MCHR2: variants seen among roughly 807,000 people sequenced by gnomAD.
MCHR2 encodes the protein melanin concentrating hormone receptor 2.
MCHR2 carries 15 observed loss-of-function variants against 24.8 expected under a neutral mutation model. That is an observed-to-expected ratio of 0.60 (90% CI 0.40 to 0.93). The LOEUF is 0.93. Among genes scored for constraint, MCHR2 ranks in the 40% least tolerant of loss-of-function variants. The probability of loss-of-function intolerance (pLI) is 0.00; values close to 1 mark genes in which losing one functional copy is unlikely to be tolerated. For missense variants in MCHR2, 386 were observed against 408.7 expected (o/e 0.94, Z 0.48); for synonymous variants, 151 against 147.6 (o/e 1.02, Z -0.17).
chr6:99,925,958 A>G (rs1774346419), intron 5 of MCHR2, among the ~76,000 whole-genome samples: 1 of 151,890 alleles, frequency 6.6e-6, no homozygotes, highest in Non-Finnish European at 1.5e-5. Flanking sequence ...AGCATTAGGT[A>G]TATCTCCTAA....
intron 5 of MCHR2, among the ~76,000 whole-genome samples, chr6:99,928,707 C>G (rs1242477082): frequency 4.6e-5 from 7 of 151,810 alleles, no homozygotes; most frequent in Admixed American, 6.6e-5. Context: ...TTTTTATTGC[C>G]TCTATTTGAT....
intron 5 of MCHR2, among the ~76,000 whole-genome samples, chr6:99,931,417 G>A (rs570336662): frequency 6.6e-6 from 1 of 152,174 alleles, no homozygotes; most frequent in South Asian, 2.1e-4. Context: ...CTGTCTTTTT[G>A]TTTGTCTGTG....
intron 1 of MCHR2, among the ~76,000 whole-genome samples, chr6:99,989,440 C>G (rs1273918908): frequency 6.6e-6 from 1 of 152,130 alleles, no homozygotes; most frequent in Admixed American, 6.6e-5. Context: ...TTACTATTAT[C>G]TTCATTTTGC....
intron 1 of MCHR2, among the ~76,000 whole-genome samples, chr6:99,974,138 A>G (rs527355014): frequency 1.4e-4 from 21 of 152,302 alleles, no homozygotes. Flanking sequence ...TCTCCTGGAT[A>G]ATATCCTGCA....
rs962917908 is a variant in MCHR2 at position 99,959,837 on chromosome 6, A to G, written c.-27-3663T>C. On this transcript the variant is annotated intron_variant, in intron 1 of 5. Coordinates refer to ENST00000281806, the MANE Select transcript of MCHR2 (RefSeq NM_001040179.2). ...AAAAAGAAACAATAATAATAATGATAATAATAATAATAATAATAGGTAAAA... is the reference window on the plus strand; with the variant it reads ...AAAAAGAAACAATAATAATAATGATGATAATAATAATAATAATAGGTAAAA... 1.1e-4 allele frequency among the ~76,000 whole-genome samples: 16 copies of G among 143,684 alleles called. 1 individual carries two copies. The East Asian group carries it at 2.4e-3, about 21-fold the overall frequency. 94.3% of individuals were successfully genotyped at this position (143,684 alleles called of 152,430 possible).
intron 2 of MCHR2, among the ~76,000 whole-genome samples, chr6:99,949,394 C>A (rs561101920): frequency 1.3e-5 from 2 of 152,214 alleles, no homozygotes; most frequent in East Asian, 3.9e-4. Context: ...CAGATGTGGA[C>A]AAATAAGAAT....
chr6:99,940,353 C>T (rs1774747794), intron 4 of MCHR2, among the ~76,000 whole-genome samples: 1 of 151,924 alleles, frequency 6.6e-6, no homozygotes, highest in African/African-American at 2.4e-5. Context: ...TTGCTTGACC[C>T]GTTCTGCTGT....
chr6:99,970,653 T>C (rs1775392028), intron 1 of MCHR2, among the ~76,000 whole-genome samples: 2 of 152,206 alleles, frequency 1.3e-5, no homozygotes, highest in Non-Finnish European at 2.9e-5. Context: ...ATGTCCTGAA[T>C]GGTATTGCCT....
At chr6:99,960,186 C>T (rs1341688080) in intron 1 of MCHR2, among the ~76,000 whole-genome samples, 1 of 151,934 alleles carries the variant, frequency 6.6e-6, no homozygotes, top group African/African-American at 2.4e-5. Flanking sequence ...ATGATATAGT[C>T]AATGTGCTGA....
At chr6:99,943,545 C>A (rs940100233) in intron 3 of MCHR2, among the ~76,000 whole-genome samples, 1 of 151,324 alleles carries the variant, frequency 6.6e-6, no homozygotes, top group African/African-American at 2.4e-5. Context: ...TCCATGTGTT[C>A]TCATTGTTCA....
At chr6:99,974,493 C>T (rs919496474) in intron 1 of MCHR2, among the ~76,000 whole-genome samples, 1 of 152,102 alleles carries the variant, frequency 6.6e-6, no homozygotes, top group South Asian at 2.1e-4. Context: ...AACTTCTTTG[C>T]CATTGGTTTG....
intron 1 of MCHR2, among the ~76,000 whole-genome samples, chr6:99,989,363 A>G (rs563289509): frequency 1.4e-4 from 22 of 152,358 alleles, no homozygotes; most frequent in African/African-American, 5.3e-4. Context: ...GTAATGTGCC[A>G]GATACTGTGT....
At chr6:99,962,518 A>T (rs1209789675) in intron 1 of MCHR2, among the ~76,000 whole-genome samples, 1 of 152,154 alleles carries the variant, frequency 6.6e-6, no homozygotes, top group Non-Finnish European at 1.5e-5. Context: ...TTTTCAACAA[A>T]TGATGTCGAA....
chr6:99,920,825 A>T lies in MCHR2; in HGVS notation c.*115T>A, dbSNP rs912437568. The T allele has an allele frequency of 3.0e-6, 3 of 1,002,748 alleles. No individual in the cohort carries two copies. The African/African-American group carries it at 4.8e-5, about 16-fold the overall frequency. The allele number at this position is 1,002,748 out of a possible 1,614,324, so 62.1% of individuals were successfully genotyped here. ...GTTACACTTCTCTTCCATGCTGCTA[A>T]GAGTCACAAGTACACAAGAAGAATG... On this transcript the variant is annotated 3_prime_UTR_variant, in exon 6 of 6. Transcript: ENST00000281806.
intron 1 of MCHR2, among the ~76,000 whole-genome samples, chr6:99,990,684 C>T (rs1354633239): frequency 6.6e-6 from 1 of 152,036 alleles, no homozygotes; most frequent in Non-Finnish European, 1.5e-5. Context: ...ATCAATCTAA[C>T]TTTTAAAAAC....
intron 2 of MCHR2, among the ~76,000 whole-genome samples, chr6:99,948,946 C>T (rs1230161547): frequency 6.6e-6 from 1 of 152,112 alleles, no homozygotes; most frequent in Non-Finnish European, 1.5e-5. Context: ...GTAGATGGCA[C>T]TGAGAATGAT....
At chr6:99,991,069 C>G (rs1775863067) in intron 1 of MCHR2, among the ~76,000 whole-genome samples, 1 of 151,796 alleles carries the variant, frequency 6.6e-6, no homozygotes, top group Non-Finnish European at 1.5e-5. Context: ...AGAGAAAGGG[C>G]ATATGCCAAT....
At chr6:99,956,233 A>G in intron 1 of MCHR2, 59 bp from the exon 2 acceptor site, 1 of 1,175,740 alleles carries the variant, frequency 8.5e-7, no homozygotes, top group East Asian at 2.6e-5. Flanking sequence ...AACTTCCTTT[A>G]CCTAATTCAA....
At chr6:99,928,786 CAGCTCCTGGATTA>C (rs1774432303) in intron 5 of MCHR2, among the ~76,000 whole-genome samples, 1 of 152,134 alleles carries the variant, frequency 6.6e-6, no homozygotes, top group African/African-American at 2.4e-5. Context: ...TTCAAAAAAC[CAGCTCCTGGATTA>C]ATTAATTCTT....
Sources: gnomAD v4.1 joint callset for allele counts (sites outside exome capture counted in the v4.1 genomes callset) on GRCh38, gnomAD v4.1.1 for gene constraint, MANE v1.5 for transcripts, NCBI Gene and HGNC (gene_info 2026-07-23, HGNC 2026-07-21) for gene names.